CLPX: variants seen among roughly 807,000 people sequenced by gnomAD.
CLPX encodes caseinolytic mitochondrial matrix peptidase chaperone subunit X, also known as ATP-dependent clpX-like chaperone, mitochondrial.
In CLPX, 34 loss-of-function variants were observed where a neutral mutation model predicts 76.4. That is an observed-to-expected ratio of 0.45 (90% CI 0.34 to 0.59). The LOEUF (loss-of-function observed/expected upper bound fraction) is 0.59. CLPX is among the 20% of genes least tolerant of loss of function. The pLI is 0.01. For synonymous variants in CLPX, 248 were observed against 270.9 expected (o/e 0.92, Z 0.83); for missense variants, 613 against 757.0 (o/e 0.81, Z 2.23).
chr15:65,166,480 G>T, intron 4 of CLPX, 151 bp downstream of exon 4: 1 of 775,522 alleles, frequency 1.3e-6, no homozygotes, highest in Non-Finnish European at 2.1e-6. Flanking sequence ...ATTCCAAAAG[G>T]CAATAACAAT....
rs71136319 is a variant in CLPX, at chr15:65,168,383, C to CAAAAAAAAAAAAAA, written c.359-1612_359-1599dup. On this transcript the variant is annotated intron_variant, in intron 3 of 13. Coordinates refer to ENST00000300107, the MANE Select transcript of CLPX (RefSeq NM_006660.5). ...TGGGCGACAAAGTGAGACTCTGTCT[C>CAAAAAAAAAAAAAA]AAAAAAAAAAAAAAAAAAAAAAAAA... Among the ~76,000 whole-genome samples the CAAAAAAAAAAAAAA allele has an allele frequency of 7.0e-4, 25 of 35,660 alleles. 4 individuals carry two copies. Among genetic ancestry groups the CAAAAAAAAAAAAAA allele is most frequent in the Middle Eastern group, 0.05 (1 of 20 alleles). The allele number at this position is 35,660 out of a possible 152,430, so 23.4% of individuals were successfully genotyped here. A position where few individuals can be genotyped will look rare whatever the true frequency, so the allele number is the denominator to read the frequency against.
At position 65,155,060 on chromosome 15, in the gene CLPX, A is replaced by T. The variant is rs753157584; in HGVS notation, c.1333T>A (p.Ser445Thr). The T allele has an allele frequency of 1.2e-6, 2 of 1,613,282 alleles. No individual in the cohort carries two copies. The highest frequency in any genetic ancestry group is 3.3e-5 in the Admixed American group (2 of 60,014). ...NEKYLGFGTP[S>T]NLGKGRRAAA... ...GCCCTTCTGCCTTTTCCCAGATTAG[A>T]TGGTGTTCCAAATCCAAGATACTGC... The change falls in exon 11 of 14, where the codon TCT (serine) becomes ACT (threonine). Residue 445 changes from serine (S) to threonine (T), a missense_variant. Ser to Thr is a moderately conservative substitution (Grantham distance 58). This residue lies in a region of CLPX where 450 missense variants were observed against 638.6 expected (regional missense o/e 0.70). Coordinates refer to ENST00000300107, the MANE Select transcript of CLPX (RefSeq NM_006660.5).
At chr15:65,174,776 A>T (rs1465753956) in intron 3 of CLPX, among the ~76,000 whole-genome samples, 1 of 152,192 alleles carries the variant, frequency 6.6e-6, no homozygotes, top group Non-Finnish European at 1.5e-5. Context: ...ACACATATGA[A>T]AAGTTAGCTC....
chr15:65,172,636 G>A (rs916680093), intron 3 of CLPX, among the ~76,000 whole-genome samples: 10 of 151,900 alleles, frequency 6.6e-5, no homozygotes, highest in African/African-American at 1.2e-4. Context: ...CCGTCTGGGG[G>A]GAAAGAAAAA....
At chr15:65,166,931 A>G in intron 3 of CLPX, 146 bp from the exon 4 acceptor site, 1 of 703,446 alleles carries the variant, frequency 1.4e-6, no homozygotes, top group Non-Finnish European at 2.3e-6. Context: ...AAACAGCCTC[A>G]TTTATATAGC....
chr15:65,171,354 C>T (rs1049709033), intron 3 of CLPX, among the ~76,000 whole-genome samples: 6 of 151,182 alleles, frequency 4.0e-5, no homozygotes, highest in East Asian at 2.0e-4. Flanking sequence ...GGCTGAGGCA[C>T]GAGAATTGCT....
At chr15:65,169,924 C>T (rs1336917940) in intron 3 of CLPX, among the ~76,000 whole-genome samples, 1 of 151,910 alleles carries the variant, frequency 6.6e-6, no homozygotes, top group Non-Finnish European at 1.5e-5. Context: ...CCACGCCCGG[C>T]TAATTTTGTA....
rs149478796 is a variant in CLPX, at chr15:65,167,225, C to T, written c.359-440G>A. Among the ~76,000 whole-genome samples, 850 of 152,166 alleles carry T rather than the reference C, an allele frequency of 5.6e-3. 5 individuals carry two copies. The highest frequency in any genetic ancestry group is 0.014 in the Middle Eastern group (4 of 294). ...AGCTGGGATTACAGGGGTGCACCACCATGCCCAGCTAATTTTTGTATTTTT... is the reference window on the plus strand; with the variant it reads ...AGCTGGGATTACAGGGGTGCACCACTATGCCCAGCTAATTTTTGTATTTTT... On this transcript the variant is annotated intron_variant, in intron 3 of 13. Transcript: ENST00000300107.
intron 3 of CLPX, among the ~76,000 whole-genome samples, chr15:65,173,365 C>CAAAAAAAA (rs35763100): frequency 1.9e-5 from 1 of 52,164 alleles, no homozygotes; most frequent in Non-Finnish European, 4.1e-5. Context: ...GACTCTGTCT[C>CAAAAAAAA]AAAAAAAAAA....
At position 65,158,749 on chromosome 15, in the gene CLPX, ATTCTG is replaced by A; in HGVS notation, c.716-3_717del. On this transcript the variant is annotated splice_acceptor_variant and splice_polypyrimidine_tract_variant and coding_sequence_variant and intron_variant, in exon 7 of 14. Transcript: ENST00000300107. LOFTEE classifies it high-confidence loss of function. ...GGGCTAATTCCAGCAATCTGAAGCAATTCTGAAAAAAATGCCAAAGGAATTACTTG... is the reference window on the plus strand; with the variant it reads ...GGGCTAATTCCAGCAATCTGAAGCAAAAAAAAATGCCAAAGGAATTACTTG... The A allele has an allele frequency of 1.3e-6, 2 of 1,567,790 alleles. No homozygotes were observed. Among genetic ancestry groups the A allele is most frequent in the Admixed American group, 1.9e-5 (1 of 52,426 alleles).
chr15:65,152,548 A>G lies in CLPX; in HGVS notation c.1705-12T>C. On this transcript the variant is annotated splice_polypyrimidine_tract_variant and intron_variant, in intron 12 of 13. Coordinates refer to ENST00000300107, the MANE Select transcript of CLPX (RefSeq NM_006660.5). The stretch of plus-strand genomic sequence containing the variant: ...AGTAACAGCTTTTCCTAAAGAAATA[A>G]AAAGTAATGAATCACATTGAAAACA... 1 of 1,414,810 alleles carries G rather than the reference A, an allele frequency of 7.1e-7. No homozygotes were observed. The highest frequency in any genetic ancestry group is 9.6e-7 in the Non-Finnish European group (1 of 1,045,774). 87.6% of individuals were successfully genotyped at this position (1,414,810 alleles called of 1,614,324 possible). A position where few individuals can be genotyped will look rare whatever the true frequency, so the allele number is the denominator to read the frequency against.
At chr15:65,161,707 A>T (rs2087858338) in intron 6 of CLPX, among the ~76,000 whole-genome samples, 1 of 152,178 alleles carries the variant, frequency 6.6e-6, no homozygotes, top group Admixed American at 6.5e-5. Flanking sequence ...TTATGAAATA[A>T]ATTACATATA....
chr15:65,167,047 T>A (rs1436132458), intron 3 of CLPX, among the ~76,000 whole-genome samples: 3 of 152,224 alleles, frequency 2.0e-5, no homozygotes, highest in Non-Finnish European at 4.4e-5. Context: ...GTGAAATTTT[T>A]CCAACTTTCC....
At chr15:65,167,602 G>A (rs1036346372) in intron 3 of CLPX, among the ~76,000 whole-genome samples, 15 of 151,750 alleles carry the variant, frequency 9.9e-5, no homozygotes, top group East Asian at 3.9e-4. Context: ...TTTTTCGGGC[G>A]TGTTGGCTCA....
At chr15:65,182,118 C>CAAAAAAAA (rs540972406) in intron 1 of CLPX, among the ~76,000 whole-genome samples, 10 of 69,236 alleles carry the variant, frequency 1.4e-4, no homozygotes, top group African/African-American at 4.6e-4. Flanking sequence ...GTCTCCGTCT[C>CAAAAAAAA]AAAAAAAAAA....
At chr15:65,174,967 T>A (rs1240201632) in intron 3 of CLPX, among the ~76,000 whole-genome samples, 1 of 152,154 alleles carries the variant, frequency 6.6e-6, no homozygotes, top group East Asian at 1.9e-4. Flanking sequence ...TTAAAAAAAA[T>A]CACACGTTCA....
At chr15:65,150,988 A>T in intron 13 of CLPX, 75 bp from the exon 14 acceptor site, 1 of 980,912 alleles carries the variant, frequency 1.0e-6, no homozygotes, top group Non-Finnish European at 1.6e-6. Context: ...TCAAAACAGC[A>T]AAGTAACCTC....
chr15:65,169,093 G>A (rs186722620), intron 3 of CLPX, among the ~76,000 whole-genome samples: 1 of 147,838 alleles, frequency 6.8e-6, no homozygotes, highest in East Asian at 2.0e-4. Context: ...GTACAATCTC[G>A]CCTCACTGCA....
Position 65,185,165 on chromosome 15 carries a change from C to CT in CLPX, c.-13dup, listed in dbSNP as rs777270339. On this transcript the variant is annotated 5_prime_UTR_variant, in exon 1 of 14. Transcript: ENST00000300107. Reference sequence around the variant, plus strand: ...CCGCAGCTGGGCATCTCCGCGAGGCCTAGGCCGGGGCTTCGCCCCCTGAGG... The same window carrying CT: ...CCGCAGCTGGGCATCTCCGCGAGGCCTTAGGCCGGGGCTTCGCCCCCTGAGG... The CT allele has an allele frequency of 3.2e-6, 5 of 1,557,602 alleles. No individual in the cohort carries two copies. In the South Asian group the frequency reaches 5.9e-5, roughly 18 times the overall value.
Sources: gnomAD v4.1 joint callset for allele counts (sites outside exome capture counted in the v4.1 genomes callset) on GRCh38, gnomAD v4.1.1 for gene constraint, gnomAD v4.1.1 regional missense constraint, MANE v1.5 for transcripts, NCBI Gene and HGNC (gene_info 2026-07-23, HGNC 2026-07-21) for gene names.